The following PTPRG variants were observed in gnomAD, a reference collection of about 807,000 sequenced individuals.
PTPRG encodes protein tyrosine phosphatase receptor type G, also known as receptor-type tyrosine-protein phosphatase gamma.
A neutral mutation model predicts 165.3 loss-of-function variants in PTPRG; 102 were observed. The observed-to-expected ratio is 0.62, with a 90% confidence interval of 0.53 to 0.73. The LOEUF (loss-of-function observed/expected upper bound fraction) is 0.73, where lower values mean the gene tolerates loss of function less well. Ranked by LOEUF, PTPRG falls within the 30% of genes least tolerant of loss-of-function variation. The probability of loss-of-function intolerance (pLI) is 0.00; values close to 1 mark genes in which losing one functional copy is unlikely to be tolerated. For missense variants in PTPRG, 1,866 were observed against 1,861.4 expected (o/e 1.00, Z -0.05); for synonymous variants, 675 against 669.5 (o/e 1.01, Z -0.13).
intron 15 of PTPRG, among the ~76,000 whole-genome samples, chr3:62,250,847 C>T (rs2106971070): frequency 6.6e-6 from 1 of 152,240 alleles, no homozygotes; most frequent in East Asian, 1.9e-4. Context: ...ATCAAAAGTA[C>T]ATAAGAAGGT....
intron 2 of PTPRG, among the ~76,000 whole-genome samples, chr3:61,848,471 G>A (rs1331402689): frequency 3.3e-5 from 5 of 152,164 alleles, no homozygotes; most frequent in African/African-American, 4.8e-5. Flanking sequence ...AGGAACATTT[G>A]CATTTTTTAT....
chr3:61,892,739 C>A (rs1250848625), intron 2 of PTPRG, among the ~76,000 whole-genome samples: 1 of 151,792 alleles, frequency 6.6e-6, no homozygotes, highest in African/African-American at 2.4e-5. Context: ...TCGCCTGAAC[C>A]CGGGAGGGGG....
intron 1 of PTPRG, among the ~76,000 whole-genome samples, chr3:61,702,791 C>CT (rs1342370491): frequency 3.3e-5 from 5 of 152,228 alleles, no homozygotes; most frequent in African/African-American, 1.2e-4. Flanking sequence ...AACATAATGT[C>CT]TATGAAATTC....
At chr3:62,192,403 T>G (rs980718451) in intron 9 of PTPRG, among the ~76,000 whole-genome samples, 1,357 of 110,994 alleles carry the variant, frequency 0.012, 52 homozygotes, top group African/African-American at 0.045. Context: ...CTTTTTTTTT[T>G]TTTTTTTTTT....
chr3:61,802,024 C>CAAA (rs112361163), intron 2 of PTPRG, among the ~76,000 whole-genome samples: 13 of 112,842 alleles, frequency 1.2e-4, no homozygotes, highest in African/African-American at 2.9e-4. Flanking sequence ...GACTCCATCT[C>CAAA]AAAAAAAAAA....
chr3:61,859,795 G>A (rs1435978168), intron 2 of PTPRG, among the ~76,000 whole-genome samples: 1 of 152,022 alleles, frequency 6.6e-6, no homozygotes, highest in Non-Finnish European at 1.5e-5. Context: ...ATAAAATACT[G>A]CTGCCCACAA....
intron 1 of PTPRG, among the ~76,000 whole-genome samples, chr3:61,680,745 T>TGAGATTG: frequency 2.2e-5 from 3 of 136,608 alleles, no homozygotes; most frequent in African/African-American, 2.5e-5. Flanking sequence ...TCAGGTGTGG[T>TGAGATTG]ACAGGTTGCA....
chr3:61,979,194 G>A (rs1162595690), intron 2 of PTPRG, among the ~76,000 whole-genome samples: 1 of 152,144 alleles, frequency 6.6e-6, no homozygotes, highest in Non-Finnish European at 1.5e-5. Context: ...ATGCAATATG[G>A]TTGATTATTG....
intron 26 of PTPRG, among the ~76,000 whole-genome samples, chr3:62,278,476 G>A (rs1197885771): frequency 6.6e-6 from 1 of 151,986 alleles, no homozygotes; most frequent in African/African-American, 2.4e-5. Context: ...AGATCTTGTG[G>A]ATACTTAAGT....
intron 4 of PTPRG, among the ~76,000 whole-genome samples, chr3:62,058,345 AT>A (rs1177237743): frequency 1.3e-5 from 2 of 148,372 alleles, no homozygotes; most frequent in East Asian, 1.9e-4. Flanking sequence ...TATTATTATT[AT>A]TTTTTTTAGA....
intron 5 of PTPRG, among the ~76,000 whole-genome samples, chr3:62,119,545 G>T (rs1028503499): frequency 1.3e-5 from 2 of 152,202 alleles, no homozygotes. Flanking sequence ...AGAATCCAGA[G>T]GTCGGCTGGG....
intron 2 of PTPRG, among the ~76,000 whole-genome samples, chr3:61,817,005 A>G (rs980443827): frequency 8.5e-6 from 1 of 117,798 alleles, no homozygotes; most frequent in Non-Finnish European, 1.7e-5. Flanking sequence ...ATTATATAAT[A>G]TAAATATATA....
chr3:61,666,111 A>C (rs1040360527), intron 1 of PTPRG, among the ~76,000 whole-genome samples: 14 of 152,164 alleles, frequency 9.2e-5, no homozygotes, highest in African/African-American at 3.4e-4. Context: ...GAGTTTGGCC[A>C]GAAAATCCTA....
intron 4 of PTPRG, among the ~76,000 whole-genome samples, chr3:62,008,636 T>C (rs1348009835): frequency 2.0e-5 from 3 of 152,214 alleles, no homozygotes; most frequent in Non-Finnish European, 4.4e-5. Flanking sequence ...TCCCCAACCT[T>C]TTCGACACCA....
intron 2 of PTPRG, among the ~76,000 whole-genome samples, chr3:61,899,591 A>G (rs997929085): frequency 6.6e-6 from 1 of 152,158 alleles, no homozygotes; most frequent in African/African-American, 2.4e-5. Flanking sequence ...TATGGAAAAA[A>G]GGGTGAACCT....
intron 1 of PTPRG, among the ~76,000 whole-genome samples, chr3:61,735,521 T>G (rs1391729347): frequency 7.9e-6 from 1 of 126,698 alleles, no homozygotes; most frequent in Non-Finnish European, 1.6e-5. Context: ...CTAACCCCAA[T>G]TCCTTGAGTT....
chr3:62,201,383 C>G, intron 10 of PTPRG, 122 bp from the exon 11 acceptor site: 1 of 780,390 alleles, frequency 1.3e-6, no homozygotes, highest in South Asian at 2.8e-5. Context: ...TGGAAAAAAT[C>G]TACAGAATAA....
intron 1 of PTPRG, among the ~76,000 whole-genome samples, chr3:61,719,892 A>G (rs1432235935): frequency 6.6e-6 from 1 of 152,002 alleles, no homozygotes; most frequent in African/African-American, 2.4e-5. Flanking sequence ...CTGAGACCCA[A>G]CTTGCTCTTG....
intron 2 of PTPRG, among the ~76,000 whole-genome samples, chr3:61,957,746 G>T (rs1004368468): frequency 6.6e-6 from 1 of 152,196 alleles, no homozygotes; most frequent in African/African-American, 2.4e-5. Flanking sequence ...CAGGCAATTT[G>T]TGAAGAGCCC....
Sources: allele counts gnomAD v4.1 joint callset (sites outside exome capture counted in the v4.1 genomes callset), GRCh38; gene constraint gnomAD v4.1.1; transcripts MANE v1.5; gene names NCBI Gene and HGNC (gene_info 2026-07-23, HGNC 2026-07-21).